The following TLCD3B variants were observed in gnomAD, a reference collection of about 807,000 sequenced individuals.
TLCD3B encodes the protein ceramide synthase.
In TLCD3B, 9 loss-of-function variants were observed where a neutral mutation model predicts 23.0. That is an observed-to-expected ratio of 0.39 (90% CI 0.24 to 0.68). The LOEUF (loss-of-function observed/expected upper bound fraction) is 0.68. Ranked by LOEUF, TLCD3B falls within the 30% of genes least tolerant of loss-of-function variation. TLCD3B has a pLI of 0.44. For synonymous variants in TLCD3B, 161 were observed against 161.0 expected (o/e 1.00, Z 0.00); for missense variants, 307 against 371.8 (o/e 0.83, Z 1.43).
chr16:30,050,889 A>G (rs1223372376), intron 1 of TLCD3B, among the ~76,000 whole-genome samples: 1 of 152,196 alleles, frequency 6.6e-6, no homozygotes. Flanking sequence ...GCCAGGATTC[A>G]GCCATCGTTT....
Position 30,024,791 on chromosome 16 carries a change from C to A in TLCD3B, c.*392G>T. On this transcript the variant is annotated 3_prime_UTR_variant, in exon 5 of 5. Transcript: ENST00000380495. Reference sequence around the variant, plus strand: ...GCGGGGGTTAGTTGGGGCGTCCTCTCCTCTCGGGTGATGGGGAGCCCTGGG... The same window carrying A: ...GCGGGGGTTAGTTGGGGCGTCCTCTACTCTCGGGTGATGGGGAGCCCTGGG... 4.7e-6 allele frequency: 1 copy of A among 214,610 alleles called. No homozygotes were observed. Among genetic ancestry groups the A allele is most frequent in the Non-Finnish European group, 9.1e-6 (1 of 110,226 alleles). 13.3% of individuals were successfully genotyped at this position (214,610 alleles called of 1,614,324 possible).
At chr16:30,050,321 C>A (rs936240587) in intron 1 of TLCD3B, among the ~76,000 whole-genome samples, 31 of 152,100 alleles carry the variant, frequency 2.0e-4, no homozygotes, top group African/African-American at 7.0e-4. Context: ...GGAGGATCGC[C>A]TGAGCCCAGG....
intron 3 of TLCD3B, among the ~76,000 whole-genome samples, chr16:30,038,210 G>T (rs1013738776): frequency 3.9e-5 from 6 of 152,142 alleles, no homozygotes; most frequent in African/African-American, 1.4e-4. Flanking sequence ...TCATCTGTGA[G>T]GTTGGGTTAA....
chr16:30,028,265 T>C (rs2071233913), intron 2 of TLCD3B, among the ~76,000 whole-genome samples: 2 of 152,254 alleles, frequency 1.3e-5, no homozygotes, highest in Non-Finnish European at 2.9e-5. Context: ...ATCCCCACCC[T>C]CTTGGCAATT....
At chr16:30,050,917 C>T (rs937341476) in intron 1 of TLCD3B, among the ~76,000 whole-genome samples, 2 of 152,050 alleles carry the variant, frequency 1.3e-5, no homozygotes, top group African/African-American at 2.4e-5. Flanking sequence ...CGGAGGCCTC[C>T]ATAGAGAGGG....
chr16:30,051,004 C>T (rs548071652), intron 1 of TLCD3B, among the ~76,000 whole-genome samples: 2 of 151,916 alleles, frequency 1.3e-5, no homozygotes, highest in African/African-American at 2.4e-5. Flanking sequence ...AGGAATGAAA[C>T]GGGGAGGTCT....
At chr16:30,030,154 A>T in intron 1 of TLCD3B, 2 of 1,469,732 alleles carry the variant, frequency 1.4e-6, no homozygotes, top group Non-Finnish European at 1.8e-6. Flanking sequence ...GGAGGGTGGG[A>T]GGGTGTACGG....
At position 30,041,340 on chromosome 16, in the gene TLCD3B, A is replaced by G. The variant is rs1052174728; in HGVS notation, c.-228-184T>C. 4.0e-5 allele frequency among the ~76,000 whole-genome samples: 6 copies of G among 151,878 alleles called. No homozygotes were observed. The East Asian group carries it at 9.8e-4, about 25-fold the overall frequency. On this transcript the variant is annotated intron_variant, in intron 2 of 6. Transcript: ENST00000561666. The stretch of plus-strand genomic sequence containing the variant: ...GTCCAGGCTGGAGTGCAGTGGCACA[A>G]TCTCAGCTCACTACAACCTCCACCT...
Position 30,029,709 on chromosome 16 carries a change from C to T in TLCD3B, c.126-194G>A, listed in dbSNP as rs1192224692. Among the ~76,000 whole-genome samples the T allele has an allele frequency of 2.0e-5, 3 of 152,236 alleles. No individual in the cohort carries two copies. The highest frequency in any genetic ancestry group is 2.9e-5 in the Non-Finnish European group (2 of 68,042). On this transcript the variant is annotated intron_variant, in intron 1 of 4. Transcript: ENST00000380495. This position sits in a 1 kb window ranked among gnomAD's most constrained non-coding sequence, Gnocchi z 4.6. ...GTACCTCACGGCTCTCCGGCCCGCT[C>T]GGCTGCTGTTCCTCAGTCCACCCCA...
At chr16:30,047,163 G>GTCTA (rs1375016680) in intron 1 of TLCD3B, among the ~76,000 whole-genome samples, 4 of 148,854 alleles carry the variant, frequency 2.7e-5, no homozygotes, top group African/African-American at 1.0e-4. Context: ...CTGTCTGTCT[G>GTCTA]TCTGTCTATC....
At chr16:30,038,960 T>C (rs1424749410) in intron 3 of TLCD3B, among the ~76,000 whole-genome samples, 1 of 152,004 alleles carries the variant, frequency 6.6e-6, no homozygotes, top group Non-Finnish European at 1.5e-5. Context: ...CCCTATAATG[T>C]TAGGCAGATA....
At chr16:30,032,388 TG>T, upstream of TLCD3B, among the ~76,000 whole-genome samples, 1 of 152,208 alleles carries the variant, frequency 6.6e-6, no homozygotes, top group Non-Finnish European at 1.5e-5. Flanking sequence ...GGCCAGGGAC[TG>T]GGATTTGCTG....
In TLCD3B at chr16:30,025,185, A is replaced by G; in HGVS notation, c.823T>C (p.Ter275ArgextTer53). Reference protein sequence around the residue: ...RPPPACQAQD* With the variant: ...RPPPACQAQDR The stretch of plus-strand genomic sequence containing the variant: ...GGGGAGGGTCCCGGCCCCCGGCCTC[A>G]GTCCTGGGCCTGGCAGGCCGGGGGC... Residue 275 changes from the stop codon to arginine (R), a stop_lost, in exon 5 of 5, where the codon TGA becomes CGA. Transcript: ENST00000380495. This position sits in a 1 kb window ranked among gnomAD's most constrained non-coding sequence, Gnocchi z 4.1. The G allele has an allele frequency of 6.9e-7, 1 of 1,450,254 alleles. No individual in the cohort carries two copies. The highest frequency in any genetic ancestry group is 9.0e-7 in the Non-Finnish European group (1 of 1,105,062). 89.8% of individuals were successfully genotyped at this position (1,450,254 alleles called of 1,614,324 possible). A position where few individuals can be genotyped will look rare whatever the true frequency, so the allele number is the denominator to read the frequency against.
In TLCD3B at chr16:30,052,499, C is replaced by A. The variant is rs190371937; in HGVS notation, c.-294+275G>T. 6.4e-3 allele frequency among the ~76,000 whole-genome samples: 974 copies of A among 151,988 alleles called. 6 individuals carry two copies. The highest frequency in any genetic ancestry group is 9.8e-3 in the Non-Finnish European group (668 of 67,984). ...ATCACTTGAGGTCAGGAGTTCGAGA[C>A]CAGCCTGGTCAACATTGCGAAACCC... On this transcript the variant is annotated intron_variant, in intron 1 of 6. Transcript: ENST00000561666.
chr16:30,025,489 G>A lies in TLCD3B; in HGVS notation c.541-22C>T, dbSNP rs2071080424. 6.2e-7 allele frequency: 1 copy of A among 1,609,620 alleles called. No individual in the cohort carries two copies. Among genetic ancestry groups the A allele is most frequent in the Admixed American group, 1.7e-5 (1 of 59,380 alleles). Reference sequence around the variant, plus strand: ...TGTACTGAGGAGACACAGACACAGTGGCCACGGCAGCAGAAGGGCTCGGCC... The same window carrying A: ...TGTACTGAGGAGACACAGACACAGTAGCCACGGCAGCAGAAGGGCTCGGCC... On this transcript the variant is annotated intron_variant, in intron 4 of 4. Coordinates refer to ENST00000380495, the MANE Select transcript of TLCD3B (RefSeq NM_031478.6). The surrounding 1 kb of genome is among the most constrained non-coding windows in gnomAD (Gnocchi z 4.1).
chr16:30,049,874 A>C (rs2071724604), intron 1 of TLCD3B, among the ~76,000 whole-genome samples: 1 of 151,698 alleles, frequency 6.6e-6, no homozygotes, highest in Admixed American at 6.6e-5. Context: ...CAGTGCGCTG[A>C]GATCGCACCA....
chr16:30,051,164 G>A (rs1222035968), intron 1 of TLCD3B, among the ~76,000 whole-genome samples: 4 of 152,104 alleles, frequency 2.6e-5, no homozygotes, highest in African/African-American at 9.7e-5. Flanking sequence ...GGGAGGCCGA[G>A]GTGGGAGGAT....
chr16:30,049,157 C>T (rs922198534), intron 1 of TLCD3B, among the ~76,000 whole-genome samples: 1 of 152,130 alleles, frequency 6.6e-6, no homozygotes, highest in Non-Finnish European at 1.5e-5. Context: ...ACTCGTGCCT[C>T]CTGTAAGGAT....
chr16:30,045,520 GTGTGTGGTA>G, intron 2 of TLCD3B, among the ~76,000 whole-genome samples: 1 of 137,982 alleles, frequency 7.2e-6, no homozygotes, highest in African/African-American at 2.7e-5. Context: ...TGTGTGTGGT[GTGTGTGGTA>G]TGTGTGGTGT....
Sources: gnomAD v4.1 joint callset for allele counts (sites outside exome capture counted in the v4.1 genomes callset) on GRCh38, gnomAD v4.1.1 for gene constraint, Gnocchi (gnomAD v3.1) non-coding constraint, MANE v1.5 for transcripts, NCBI Gene and HGNC (gene_info 2026-07-23, HGNC 2026-07-21) for gene names.